The following COL13A1 variants were observed in gnomAD, a reference collection of about 807,000 sequenced individuals.
The protein encoded by COL13A1 is collagen type XIII alpha 1 chain.
In COL13A1, 89 loss-of-function variants were observed where a neutral mutation model predicts 130.9. The ratio of observed to expected loss-of-function variants is 0.68; its 90% CI spans 0.57 to 0.81. The LOEUF (loss-of-function observed/expected upper bound fraction) is 0.81, where lower values mean the gene tolerates loss of function less well. Ranked by LOEUF, COL13A1 falls within the 30% of genes least tolerant of loss-of-function variation. The probability of loss-of-function intolerance (pLI) is 0.00; values close to 1 mark genes in which losing one functional copy is unlikely to be tolerated. For synonymous variants in COL13A1, 402 were observed against 341.6 expected (o/e 1.18, Z -1.95); for missense variants, 879 against 934.6 (o/e 0.94, Z 0.78).
At chr10:69,822,621 A>G (rs1285029606) in intron 2 of COL13A1, among the ~76,000 whole-genome samples, 183 bp downstream of exon 2, 2 of 152,190 alleles carry the variant, frequency 1.3e-5, no homozygotes, top group Non-Finnish European at 2.9e-5. Flanking sequence ...CCCCGCATCC[A>G]TCAGTCCACC....
intron 14 of COL13A1, among the ~76,000 whole-genome samples, chr10:69,899,220 C>A (rs1350309313): frequency 6.6e-6 from 1 of 152,196 alleles, no homozygotes; most frequent in African/African-American, 2.4e-5. Flanking sequence ...GTTACTTGAC[C>A]TGTGTCCCAG....
At chr10:69,875,478 G>A (rs559095976) in intron 5 of COL13A1, among the ~76,000 whole-genome samples, 5 of 152,230 alleles carry the variant, frequency 3.3e-5, no homozygotes, top group South Asian at 4.1e-4. Flanking sequence ...ACTGAGCCTC[G>A]ACATTGGGAG....
At chr10:69,864,987 C>G (rs532808964) in intron 2 of COL13A1, among the ~76,000 whole-genome samples, 1 of 152,352 alleles carries the variant, frequency 6.6e-6, no homozygotes, top group Admixed American at 6.5e-5. Context: ...GAGGAAGCAG[C>G]AGGTGCATGG....
At chr10:69,925,736 G>A in intron 25 of COL13A1, 68 bp from the exon 26 acceptor site, 1 of 1,189,080 alleles carries the variant, frequency 8.4e-7, no homozygotes, top group Non-Finnish European at 1.2e-6. Context: ...CTGATAGAGA[G>A]CAGGCCACAG....
intron 3 of COL13A1, among the ~76,000 whole-genome samples, chr10:69,871,545 C>CGTTAGAAGG (rs2059073226): frequency 6.6e-6 from 1 of 152,176 alleles, no homozygotes; most frequent in South Asian, 2.1e-4. Flanking sequence ...CAGGAACAAA[C>CGTTAGAAGG]GTTAGAAGGG....
chr10:69,896,674 G>T (rs2061676335), intron 13 of COL13A1, among the ~76,000 whole-genome samples: 1 of 152,226 alleles, frequency 6.6e-6, no homozygotes, highest in Non-Finnish European at 1.5e-5. Flanking sequence ...CTGGAAGGCA[G>T]GCCTGAGGTC....
At chr10:69,893,093 G>C (rs1289394698) in intron 10 of COL13A1, among the ~76,000 whole-genome samples, 2 of 152,224 alleles carry the variant, frequency 1.3e-5, no homozygotes, top group Non-Finnish European at 2.9e-5. Context: ...GCTCACACCT[G>C]TAATCCCAGA....
chr10:69,837,256 C>A (rs1235181237), intron 2 of COL13A1, among the ~76,000 whole-genome samples: 2 of 152,236 alleles, frequency 1.3e-5, no homozygotes, highest in Non-Finnish European at 2.9e-5. Flanking sequence ...TACCAATGAT[C>A]CTGGCTGGTG....
chr10:69,831,672 A>G (rs1386774787), intron 2 of COL13A1, among the ~76,000 whole-genome samples: 1 of 152,008 alleles, frequency 6.6e-6, no homozygotes, highest in Non-Finnish European at 1.5e-5. Context: ...TATGCCTCTG[A>G]CTCACTCACT....
chr10:69,958,563 C>G, intron 40 of COL13A1, 136 bp from the exon 41 acceptor site: 1 of 1,369,978 alleles, frequency 7.3e-7, no homozygotes, highest in Non-Finnish European at 1.0e-6. Flanking sequence ...CACCTAGGGG[C>G]TCAGGGTTCC....
chr10:69,815,605 T>A (rs1342645988), intron 1 of COL13A1, among the ~76,000 whole-genome samples: 1 of 152,120 alleles, frequency 6.6e-6, no homozygotes, highest in Non-Finnish European at 1.5e-5. Flanking sequence ...GAGAGAGTAC[T>A]TTGGTAGCCT....
At chr10:69,914,607 G>T (rs965187570) in intron 17 of COL13A1, among the ~76,000 whole-genome samples, 1 of 152,174 alleles carries the variant, frequency 6.6e-6, no homozygotes, top group Non-Finnish European at 1.5e-5. Context: ...GGGATGACGG[G>T]GGCCTCTGAA....
At chr10:69,902,154 A>G (rs370522154) in intron 14 of COL13A1, among the ~76,000 whole-genome samples, 48 of 152,334 alleles carry the variant, frequency 3.2e-4, no homozygotes, top group African/African-American at 1.1e-3. Context: ...GTGTTTCATC[A>G]GAAGCCACCA....
At chr10:69,828,417 A>T (rs564499922) in intron 2 of COL13A1, among the ~76,000 whole-genome samples, 2 of 151,640 alleles carry the variant, frequency 1.3e-5, no homozygotes, top group Admixed American at 1.3e-4. Flanking sequence ...GGTTCTGTCA[A>T]CTCCACTCCT....
At chr10:69,872,802 G>A (rs1270218881) in intron 4 of COL13A1, among the ~76,000 whole-genome samples, 1 of 152,118 alleles carries the variant, frequency 6.6e-6, no homozygotes, top group East Asian at 1.9e-4. Context: ...CAGTGAAATG[G>A]GTATGATTAT....
Position 69,801,982 on chromosome 10 carries a change from G to A in COL13A1, c.-442G>A, listed in dbSNP as rs1165168496. ...TCGGCCCCTGCGCTCCTCGCCAGCCGCCACGACCCACCTCTGCCCATGGGG... is the reference window on the plus strand; with the variant it reads ...TCGGCCCCTGCGCTCCTCGCCAGCCACCACGACCCACCTCTGCCCATGGGG... On this transcript the variant is annotated 5_prime_UTR_variant, in exon 1 of 41. Coordinates refer to ENST00000645393, the MANE Select transcript of COL13A1 (RefSeq NM_001368882.1). The A allele has an allele frequency of 6.2e-5, 10 of 160,180 alleles. No individual in the cohort carries two copies. The highest frequency in any genetic ancestry group is 1.1e-4 in the Non-Finnish European group (8 of 73,834). 9.9% of individuals were successfully genotyped at this position (160,180 alleles called of 1,614,324 possible). A position where few individuals can be genotyped will look rare whatever the true frequency, so the allele number is the denominator to read the frequency against.
rs74910182 is a variant in COL13A1 at position 69,924,028 on chromosome 10, G to A, written c.1284+173G>A. Among the ~76,000 whole-genome samples, 203 of 152,294 alleles carry A rather than the reference G, an allele frequency of 1.3e-3. 3 individuals carry two copies. In the East Asian group the frequency reaches 0.038, roughly 28 times the overall value. On this transcript the variant is annotated intron_variant, in intron 24 of 40. Transcript: ENST00000645393. ...CTTTAGAGAGCCATGCACTGAGACAGCAGTCATGCAAAAGCCAGTCTAGGG... is the reference window on the plus strand; with the variant it reads ...CTTTAGAGAGCCATGCACTGAGACAACAGTCATGCAAAAGCCAGTCTAGGG...
At chr10:69,935,494 A>G in intron 32 of COL13A1, 103 bp downstream of exon 32, 2 of 874,708 alleles carry the variant, frequency 2.3e-6, no homozygotes, top group Non-Finnish European at 3.4e-6. Flanking sequence ...TCTTCCTCCC[A>G]GGGAGGGATT....
intron 38 of COL13A1, among the ~76,000 whole-genome samples, chr10:69,951,554 G>C (rs2069572554): frequency 6.6e-6 from 1 of 152,016 alleles, no homozygotes; most frequent in Non-Finnish European, 1.5e-5. Context: ...TTGCAAAAAT[G>C]AGGTCTTGCT....
Sources: allele counts gnomAD v4.1 joint callset (sites outside exome capture counted in the v4.1 genomes callset), GRCh38; gene constraint gnomAD v4.1.1; transcripts MANE v1.5; gene names NCBI Gene and HGNC (gene_info 2026-07-23, HGNC 2026-07-21).